CLTCL1: variants seen among roughly 807,000 people sequenced by gnomAD.
CLTCL1 encodes clathrin heavy chain 2.
In CLTCL1, 159 loss-of-function variants were observed where a neutral mutation model predicts 190.0. The ratio of observed to expected loss-of-function variants is 0.84; its 90% CI spans 0.74 to 0.95. CLTCL1 has a LOEUF of 0.95. CLTCL1 is among the 40% of genes least tolerant of loss of function. The probability of loss-of-function intolerance (pLI) is 0.00; values close to 1 mark genes in which losing one functional copy is unlikely to be tolerated. For synonymous variants in CLTCL1, 752 were observed against 769.6 expected (o/e 0.98, Z 0.38); for missense variants, 1,878 against 2,033.4 (o/e 0.92, Z 1.47).
At position 19,222,656 on chromosome 22, in the gene CLTCL1, G is replaced by A. The variant is rs373815580; in HGVS notation, c.2418+28C>T. On this transcript the variant is annotated intron_variant, in intron 15 of 32. Transcript: ENST00000427926. ...CACTGACTGGGGCCCAGAGGCAGCC[G>A]GGTGTCACTCCAGGGAGCCAGCAGT... 4.8e-5 allele frequency: 76 copies of A among 1,579,638 alleles called. No individual in the cohort carries two copies. The African/African-American group carries it at 6.3e-4, about 13-fold the overall frequency.
At position 19,232,597 on chromosome 22, in the gene CLTCL1, A is replaced by G. The variant is rs1555959649; in HGVS notation, c.1523T>C (p.Val508Ala). ...FQKIVLYAKK[V>A]GYTPDWIFLL... Reference sequence around the variant, plus strand: ...AAAGATCCAGTCTGGGGTGTACCCAACCTAGAAGCAAGGGAGCACCAATCA... The same window carrying G: ...AAAGATCCAGTCTGGGGTGTACCCAGCCTAGAAGCAAGGGAGCACCAATCA... The change falls in exon 10 of 33, where the codon GTT becomes GCT. Residue 508 changes from valine to alanine, a missense_variant and splice_region_variant. Transcript: ENST00000427926. 1 of 1,611,234 alleles carries G rather than the reference A, an allele frequency of 6.2e-7. No homozygotes were observed. The highest frequency in any genetic ancestry group is 1.1e-5 in the South Asian group (1 of 90,802).
chr22:19,239,397 G>C lies in CLTCL1; in HGVS notation c.682-9C>G. 6.2e-7 allele frequency: 1 copy of C among 1,609,022 alleles called. No individual in the cohort carries two copies. On this transcript the variant is annotated splice_polypyrimidine_tract_variant and intron_variant, in intron 4 of 32. Transcript: ENST00000427926. ...ACTTCAATGATGTGCAACTAGAAGA[G>C]AGATTTTAGGTCAATCAAGGGGACC...
intron 19 of CLTCL1, among the ~76,000 whole-genome samples, chr22:19,215,610 G>A (rs545968995): frequency 1.3e-5 from 2 of 152,258 alleles, no homozygotes; most frequent in Middle Eastern, 3.4e-3. Flanking sequence ...CCGGTCCATC[G>A]GAAGCACGCA....
rs374972988 is a variant in CLTCL1, at chr22:19,210,389, G to A, written c.3186C>T (p.Ser1062=). 1.8e-5 allele frequency: 29 copies of A among 1,613,974 alleles called. No individual in the cohort carries two copies. Among genetic ancestry groups the A allele is most frequent in the African/African-American group, 1.1e-4 (8 of 75,032 alleles). The change falls in exon 20 of 33, where the codon AGC becomes AGT. Residue 1062 remains serine (S), a synonymous_variant. Coordinates refer to ENST00000427926, the MANE Select transcript of CLTCL1 (RefSeq NM_007098.4). ...CGGTGAAGGCCTCCTCATACAGTGCGCTGCTGACAGCGATGCTCGCGATGT... is the reference window on the plus strand; with the variant it reads ...CGGTGAAGGCCTCCTCATACAGTGCACTGCTGACAGCGATGCTCGCGATGT... ...ALDIASIAVS[S]ALYEEAFTVF...
At chr22:19,203,321 T>TAAATAAAATAAAATAAATAAAATA in intron 22 of CLTCL1, among the ~76,000 whole-genome samples, 1 of 152,040 alleles carries the variant, frequency 6.6e-6, no homozygotes, top group Non-Finnish European at 1.5e-5. Flanking sequence ...ATCTCAAAAA[T>TAAATAAAATAAAATAAATAAAATA]AAATAAAATA....
intron 3 of CLTCL1, among the ~76,000 whole-genome samples, chr22:19,243,540 G>C (rs1035321763): frequency 3.3e-5 from 5 of 151,956 alleles, no homozygotes; most frequent in African/African-American, 1.2e-4. Flanking sequence ...GATTGCTTGG[G>C]CCAAGAAGTT....
intron 29 of CLTCL1, chr22:19,183,862 C>A (rs2084223975): frequency 3.8e-6 from 2 of 528,544 alleles, no homozygotes; most frequent in Non-Finnish European, 6.9e-6. Context: ...GAGACAGGAA[C>A]TCTAGCCCCG....
chr22:19,194,315 C>T (rs544231227), intron 26 of CLTCL1, among the ~76,000 whole-genome samples: 11 of 152,116 alleles, frequency 7.2e-5, no homozygotes, highest in African/African-American at 2.7e-4. Flanking sequence ...AACCCTGTAT[C>T]TATTAAAAAT....
intron 22 of CLTCL1, chr22:19,207,726 T>C: frequency 2.1e-6 from 1 of 484,544 alleles, no homozygotes; most frequent in East Asian, 3.1e-5. Flanking sequence ...CTCCGCCTCC[T>C]GTTAGATCAG....
In CLTCL1 at chr22:19,226,202, C is replaced by T; in HGVS notation, c.1947+17G>A. On this transcript the variant is annotated intron_variant, in intron 12 of 32. Transcript: ENST00000427926. ...TAGACAACAGCCATAATAGGAGTGC[C>T]CAGGGGTACACAGTACCTCGGGATT... 6.2e-7 allele frequency: 1 copy of T among 1,611,846 alleles called. No homozygotes were observed. The highest frequency in any genetic ancestry group is 8.5e-7 in the Non-Finnish European group (1 of 1,178,954).
rs118049010 is a variant in CLTCL1 at position 19,201,554 on chromosome 22, G to T, written c.3601-61C>A. ...TCAATGGGAAGATTTCTCCAGAGTT[G>T]CTTTTAAGTTCCTAGATGGCAGAGG... On this transcript the variant is annotated intron_variant, in intron 22 of 32. Transcript: ENST00000427926. 5,474 of 1,533,768 alleles carry T rather than the reference G, an allele frequency of 3.6e-3. 139 individuals are homozygous for T. In the East Asian group the frequency reaches 0.076, roughly 21 times the overall value.
chr22:19,281,383 A>G (rs1166294801), intron 1 of CLTCL1, among the ~76,000 whole-genome samples: 1 of 152,158 alleles, frequency 6.6e-6, no homozygotes, highest in Non-Finnish European at 1.5e-5. Context: ...TCGCTAAAAT[A>G]TACACCTAAA....
rs185551973 is a variant in CLTCL1 at position 19,219,464 on chromosome 22, C to T, written c.2919+421G>A. Among the ~76,000 whole-genome samples the T allele has an allele frequency of 4.4e-3, 661 of 150,020 alleles. 12 individuals carry two copies. Among genetic ancestry groups the T allele is most frequent in the Non-Finnish European group, 1.3e-3 (85 of 67,758 alleles). On this transcript the variant is annotated intron_variant, in intron 18 of 32. Coordinates refer to ENST00000427926, the MANE Select transcript of CLTCL1 (RefSeq NM_007098.4). ...CCTCCCAAAGTGCTAGGATTACAGG[C>T]GTGAGCCACCATGCCTGGCCTATTT...
chr22:19,207,584 C>T, intron 22 of CLTCL1: 1 of 406,842 alleles, frequency 2.5e-6, no homozygotes, highest in East Asian at 3.5e-5. Flanking sequence ...CCCCAACCCC[C>T]ATGCCACGGA....
intron 2 of CLTCL1, among the ~76,000 whole-genome samples, chr22:19,261,049 A>G (rs1224356169): frequency 1.3e-5 from 2 of 152,030 alleles, no homozygotes; most frequent in African/African-American, 4.8e-5. Flanking sequence ...CTGCTAACAC[A>G]TCAATTCTGC....
intron 20 of CLTCL1, 191 bp from the exon 21 acceptor site, chr22:19,209,305 G>C: frequency 2.0e-6 from 1 of 506,014 alleles, no homozygotes; most frequent in Non-Finnish European, 3.5e-6. Context: ...ATATGAGAAG[G>C]GGGATGCCGA....
In CLTCL1 at chr22:19,221,460, C is replaced by T; in HGVS notation, c.2713G>A (p.Val905Met). The T allele has an allele frequency of 2.5e-6, 4 of 1,583,240 alleles. No individual in the cohort carries two copies. In the South Asian group the frequency reaches 3.5e-5, roughly 14 times the overall value. Reference protein sequence around the residue: ...RENAYYDSSVVGRYCEKRDPH... With the variant: ...RENAYYDSSVMGRYCEKRDPH... The stretch of plus-strand genomic sequence containing the variant: ...TCTCGCTTCTCACAGTAGCGGCCCA[C>T]CACGCTGCTGTCATAGTAGGCATTC... The change falls in exon 17 of 33, where the codon GTG becomes ATG. Residue 905 changes from valine (V) to methionine (M), a missense_variant. Val to Met is a conservative substitution (Grantham distance 21). Transcript: ENST00000427926.
intron 18 of CLTCL1, among the ~76,000 whole-genome samples, chr22:19,218,784 C>A (rs900444942): frequency 1.3e-5 from 2 of 152,214 alleles, no homozygotes; most frequent in African/African-American, 4.8e-5. Context: ...CTGTGGGAAG[C>A]CCTCCCAGAG....
chr22:19,213,849 A>C (rs2085306167), intron 19 of CLTCL1, among the ~76,000 whole-genome samples: 1 of 121,122 alleles, frequency 8.3e-6, no homozygotes, highest in East Asian at 2.4e-4. Flanking sequence ...TTGTATCCCG[A>C]CTGTGGTGAT....
Sources: allele counts gnomAD v4.1 joint callset (sites outside exome capture counted in the v4.1 genomes callset), GRCh38; gene constraint gnomAD v4.1.1; transcripts MANE v1.5; gene names NCBI Gene and HGNC (gene_info 2026-07-23, HGNC 2026-07-21).